Variants in EFL1 observed in about 807,000 individuals in gnomAD.
The protein encoded by EFL1 is elongation factor like GTPase 1.
Under a neutral mutation model 126.7 loss-of-function variants are expected in EFL1, and 76 were observed. The ratio of observed to expected loss-of-function variants is 0.60; its 90% CI spans 0.50 to 0.73. The LOEUF is 0.73. EFL1 is among the 30% of genes least tolerant of loss of function. The probability of loss-of-function intolerance (pLI) is 0.00; values close to 1 mark genes in which losing one functional copy is unlikely to be tolerated. For missense variants in EFL1, 1,128 were observed against 1,343.2 expected, an observed-to-expected ratio of 0.84 and a Z score of 2.50; for synonymous variants, 410 against 448.4, an observed-to-expected ratio of 0.91 and a Z score of 1.08.
Position 82,230,922 on chromosome 15 carries a change from C to G in EFL1, c.781G>C (p.Glu261Gln). The G allele has an allele frequency of 6.2e-7, 1 of 1,613,376 alleles. No individual in the cohort carries two copies. Among genetic ancestry groups the G allele is most frequent in the African/African-American group, 1.3e-5 (1 of 74,982 alleles). Residue 261 changes from glutamate (E) to glutamine (Q), a missense_variant, in exon 8 of 20, where the codon GAA becomes CAA. Around this residue, in one of 6 missense-constraint regions of EFL1, gnomAD observed 316 missense variants for 318.5 expected, o/e 0.99. Coordinates refer to ENST00000268206, the MANE Select transcript of EFL1 (RefSeq NM_024580.6). ...CCCCACAAGGTTTTCATAAGAACTTCCTTTTTGATGCCAATTTTTTGACTG... is the reference window on the plus strand; with the variant it reads ...CCCCACAAGGTTTTCATAAGAACTTGCTTTTTGATGCCAATTTTTTGACTG... Reference protein sequence around the residue: ...IYSQKIGIKKEVLMKTLWGDY... With the variant: ...IYSQKIGIKKQVLMKTLWGDY...
intron 15 of EFL1, among the ~76,000 whole-genome samples, chr15:82,199,878 G>A (rs1478383560): frequency 1.3e-5 from 2 of 151,962 alleles, no homozygotes; most frequent in African/African-American, 4.8e-5. Context: ...ATCATTTCAA[G>A]TTTATATAGA....
At chr15:82,252,380 T>C (rs1252220551) in intron 4 of EFL1, among the ~76,000 whole-genome samples, 1 of 152,214 alleles carries the variant, frequency 6.6e-6, no homozygotes, top group Admixed American at 6.5e-5. Context: ...GGCCAGGCCA[T>C]GAGGCAGAAT....
rs751306636 is a variant in EFL1, at chr15:82,261,731, A to C, written c.48T>G (p.Thr16=). The C allele has an allele frequency of 6.2e-7, 1 of 1,614,158 alleles. No individual in the cohort carries two copies. Among genetic ancestry groups the C allele is most frequent in the Non-Finnish European group, 8.5e-7 (1 of 1,180,020 alleles). The stretch of plus-strand genomic sequence containing the variant: ...AAACACAAATATTCCTGATGTTGGC[A>C]GTGTTTTTCTGGAGTTGAATCATCT... The part of the protein sequence containing the change: ...LDKMIQLQKN[T]ANIRNICVLA... The change falls in exon 2 of 20, where the codon ACT becomes ACG. Residue 16 remains threonine, a synonymous_variant. Coordinates refer to ENST00000268206, the MANE Select transcript of EFL1 (RefSeq NM_024580.6).
intron 15 of EFL1, among the ~76,000 whole-genome samples, chr15:82,174,018 C>A (rs1259761597): frequency 1.3e-5 from 2 of 151,890 alleles, no homozygotes; most frequent in African/African-American, 4.8e-5. Flanking sequence ...TGAAACCCTG[C>A]CTCTACTAAA....
intron 12 of EFL1, among the ~76,000 whole-genome samples, chr15:82,220,467 G>C: frequency 6.6e-6 from 1 of 152,160 alleles, no homozygotes; most frequent in East Asian, 1.9e-4. Flanking sequence ...TCCCCATCTG[G>C]AGCAATGTAC....
At chr15:82,141,575 G>A (rs1439284049) in intron 18 of EFL1, among the ~76,000 whole-genome samples, 1 of 151,952 alleles carries the variant, frequency 6.6e-6, no homozygotes, top group East Asian at 1.9e-4. Flanking sequence ...GGCTGAGGCA[G>A]GAGAATCGCT....
chr15:82,224,535 C>T (rs1186699521), intron 12 of EFL1, among the ~76,000 whole-genome samples: 2 of 152,160 alleles, frequency 1.3e-5, no homozygotes, highest in Non-Finnish European at 2.9e-5. Context: ...TTATAAAGAT[C>T]ACTCTAAAGA....
At chr15:82,221,711 T>C (rs373197805) in intron 12 of EFL1, among the ~76,000 whole-genome samples, 7 of 152,322 alleles carry the variant, frequency 4.6e-5, no homozygotes, top group African/African-American at 1.4e-4. Flanking sequence ...GGTGTCTTGT[T>C]AGGCAATCAA....
intron 15 of EFL1, among the ~76,000 whole-genome samples, chr15:82,211,592 CT>C (rs1428203445): frequency 8.3e-4 from 50 of 60,106 alleles, no homozygotes; most frequent in East Asian, 8.0e-3. Flanking sequence ...TAGACACATA[CT>C]AGACACACAC....
chr15:82,151,673 GT>G lies in EFL1; in HGVS notation c.2780del (p.Asn927ThrfsTer35). The G allele has an allele frequency of 6.2e-7, 1 of 1,614,132 alleles. No homozygotes were observed. Among genetic ancestry groups the G allele is most frequent in the East Asian group, 2.2e-5 (1 of 44,870 alleles). ...CAGAGCAGCCATCTTGTAGCTCTTG[GT>G]TTTCATTTCCACCAGAACAGGTTTC... ...ENETCSGGNE[N>X]QELQDGCSEA... On this transcript the variant is annotated frameshift_variant, in exon 18 of 20. Transcript: ENST00000268206. LOFTEE classifies it high-confidence loss of function.
chr15:82,145,726 T>C (rs537095569), intron 18 of EFL1, among the ~76,000 whole-genome samples: 1 of 151,196 alleles, frequency 6.6e-6, no homozygotes, highest in Non-Finnish European at 1.5e-5. Flanking sequence ...CCCAGCTACT[T>C]GGGAGGCTGA....
intron 7 of EFL1, among the ~76,000 whole-genome samples, chr15:82,237,861 A>G (rs537916299): frequency 6.6e-6 from 1 of 152,224 alleles, no homozygotes; most frequent in African/African-American, 2.4e-5. Flanking sequence ...AATGCATGCA[A>G]TAACTTGGAT....
chr15:82,250,509 G>A (rs1463354628), intron 4 of EFL1, among the ~76,000 whole-genome samples: 1 of 140,106 alleles, frequency 7.1e-6, no homozygotes, highest in Non-Finnish European at 1.5e-5. Context: ...AGAAACACAA[G>A]AGATTGAAGC....
intron 15 of EFL1, among the ~76,000 whole-genome samples, chr15:82,182,104 A>C (rs1294701717): frequency 6.6e-6 from 1 of 152,142 alleles, no homozygotes; most frequent in East Asian, 1.9e-4. Context: ...CTAAAAATAC[A>C]AAAATTAGCC....
Position 82,130,385 on chromosome 15 carries a change from G to C in EFL1, c.3351C>G (p.Ser1117Arg), listed in dbSNP as rs1351739235. ...CAGTAGTAGGTAGCTACTTATTTTT[G>C]CTGAGTGTCCTCTGCTTTTCTGCAT... ...VEHAEKQRTL[S>R]KNK Residue 1117 changes from serine (S) to arginine (R), a missense_variant, in exon 20 of 20, where the codon AGC becomes AGG. Physicochemically the swap from Ser to Arg is moderately radical, Grantham distance 110. Around this residue, in one of 6 missense-constraint regions of EFL1, gnomAD observed 561 missense variants for 641.7 expected, o/e 0.87. Coordinates refer to ENST00000268206, the MANE Select transcript of EFL1 (RefSeq NM_024580.6). The C allele has an allele frequency of 6.2e-7, 1 of 1,613,018 alleles. No homozygotes were observed. Among genetic ancestry groups the C allele is most frequent in the East Asian group, 2.2e-5 (1 of 44,870 alleles).
intron 15 of EFL1, among the ~76,000 whole-genome samples, chr15:82,164,914 A>G (rs569372556): frequency 3.4e-5 from 5 of 148,060 alleles, no homozygotes; most frequent in Non-Finnish European, 6.0e-5. Flanking sequence ...AAAAAAAAAG[A>G]GTGATAAAGA....
intron 11 of EFL1, among the ~76,000 whole-genome samples, chr15:82,227,106 T>C (rs1031151585): frequency 2.0e-5 from 3 of 152,200 alleles, no homozygotes; most frequent in Non-Finnish European, 2.9e-5. Flanking sequence ...ACAAAACCAA[T>C]AGAACTGGAG....
chr15:82,210,404 T>C (rs2074571426), intron 15 of EFL1, among the ~76,000 whole-genome samples: 1 of 152,140 alleles, frequency 6.6e-6, no homozygotes, highest in Non-Finnish European at 1.5e-5. Flanking sequence ...TGCTTACCCA[T>C]AAAACTTTGC....
chr15:82,257,346 C>T (rs1211830823), intron 3 of EFL1, among the ~76,000 whole-genome samples: 1 of 152,108 alleles, frequency 6.6e-6, no homozygotes, highest in Non-Finnish European at 1.5e-5. Context: ...TCTTGATCAT[C>T]TTGCTGGTGT....
Sources: allele counts gnomAD v4.1 joint callset (sites outside exome capture counted in the v4.1 genomes callset), GRCh38; gene constraint gnomAD v4.1.1; regional missense constraint gnomAD v4.1.1; transcripts MANE v1.5; gene names NCBI Gene and HGNC (gene_info 2026-07-23, HGNC 2026-07-21).